Variants in PRKN observed in about 807,000 individuals in gnomAD.
The protein encoded by PRKN is parkin RBR E3 ubiquitin protein ligase.
PRKN carries 56 observed loss-of-function variants against 59.5 expected under a neutral mutation model. The observed-to-expected ratio is 0.94, with a 90% CI of 0.76 to 1.18. The LOEUF (loss-of-function observed/expected upper bound fraction) is 1.18. Ranked by LOEUF, PRKN falls within the 50% of genes most tolerant of loss-of-function variation. The probability of loss-of-function intolerance (pLI) is 0.00; values close to 1 mark genes in which losing one functional copy is unlikely to be tolerated. For synonymous variants in PRKN, 250 were observed against 222.1 expected (o/e 1.13, Z -1.12); for missense variants, 657 against 596.4 (o/e 1.10, Z -1.06).
chr6:161,914,379 T>C (rs1778476416), intron 6 of PRKN, among the ~76,000 whole-genome samples: 1 of 152,204 alleles, frequency 6.6e-6, no homozygotes, highest in Admixed American at 6.5e-5. Context: ...TAGGCATGCA[T>C]ACTTCTATAT....
At chr6:161,759,325 G>T (rs928031651) in intron 7 of PRKN, among the ~76,000 whole-genome samples, 1 of 152,128 alleles carries the variant, frequency 6.6e-6, no homozygotes, top group African/African-American at 2.4e-5. Flanking sequence ...GGATCTAGGG[G>T]CTTCCTAGGT....
chr6:162,507,519 T>C (rs1260216260), intron 1 of PRKN, among the ~76,000 whole-genome samples: 1 of 152,186 alleles, frequency 6.6e-6, no homozygotes, highest in Non-Finnish European at 1.5e-5. Context: ...TCAAATTCTA[T>C]TCAATGATTT....
intron 1 of PRKN, among the ~76,000 whole-genome samples, chr6:162,455,570 A>G (rs923073540): frequency 6.6e-6 from 1 of 152,150 alleles, no homozygotes; most frequent in Admixed American, 6.6e-5. Flanking sequence ...CCACCATCAT[A>G]TATGTGGTCC....
chr6:162,644,999 C>G (rs988254826), intron 1 of PRKN, among the ~76,000 whole-genome samples: 1 of 152,126 alleles, frequency 6.6e-6, no homozygotes, highest in Non-Finnish European at 1.5e-5. Context: ...TGAGCAATTG[C>G]TATTAATATT....
In PRKN at chr6:162,515,084, C is replaced by CTT. The variant is rs11394289; in HGVS notation, c.8-71613_8-71612dup. Among the ~76,000 whole-genome samples the CTT allele has an allele frequency of 1.5e-3, 211 of 140,340 alleles. 1 individual carries two copies. Among genetic ancestry groups the CTT allele is most frequent in the South Asian group, 3.8e-3 (17 of 4,436 alleles). 92.1% of individuals were successfully genotyped at this position (140,340 alleles called of 152,430 possible). A position where few individuals can be genotyped will look rare whatever the true frequency, so the allele number is the denominator to read the frequency against. On this transcript the variant is annotated intron_variant, in intron 1 of 11. Transcript: ENST00000366898. Reference sequence around the variant, plus strand: ...AGGAGGCCTTTGACAACTATTTTTACTTTTTTTTTTTTTTTGAGATGGAGT... The same window carrying CTT: ...AGGAGGCCTTTGACAACTATTTTTACTTTTTTTTTTTTTTTTTGAGATGGAGT...
intron 3 of PRKN, among the ~76,000 whole-genome samples, chr6:162,209,576 C>T (rs1785101841): frequency 6.6e-6 from 1 of 152,102 alleles, no homozygotes; most frequent in South Asian, 2.1e-4. Context: ...ACTAGAAATA[C>T]CATTTGACCC....
intron 5 of PRKN, among the ~76,000 whole-genome samples, chr6:162,002,587 T>A (rs1178388333): frequency 6.6e-6 from 1 of 152,048 alleles, no homozygotes; most frequent in Non-Finnish European, 1.5e-5. Context: ...AACCATTTTT[T>A]TTTTTGCTTC....
intron 7 of PRKN, among the ~76,000 whole-genome samples, chr6:161,621,441 G>T (rs1782894742): frequency 1.3e-5 from 2 of 152,082 alleles, no homozygotes; most frequent in Non-Finnish European, 2.9e-5. Flanking sequence ...TGGGGGTCCT[G>T]GGGTCCTGAT....
At position 161,473,919 on chromosome 6, in the gene PRKN, A is replaced by C. The variant is rs796417859; in HGVS notation, c.1083+74935T>G. The stretch of plus-strand genomic sequence containing the variant: ...ATACAAGATCGCTAGGATGGAGGGC[A>C]TGACTTGTGTATGTAGACTAGCGGG... On this transcript the variant is annotated intron_variant, in intron 9 of 11. Coordinates refer to ENST00000366898, the MANE Select transcript of PRKN (RefSeq NM_004562.3). This position sits in a 1 kb window ranked among gnomAD's most constrained non-coding sequence, Gnocchi z 4.1. 6.6e-6 allele frequency among the ~76,000 whole-genome samples: 1 copy of C among 152,184 alleles called. No individual in the cohort carries two copies. The highest frequency in any genetic ancestry group is 6.5e-5 in the Admixed American group (1 of 15,274).
intron 2 of PRKN, among the ~76,000 whole-genome samples, chr6:162,383,084 G>A (rs1188413473): frequency 2.0e-5 from 3 of 152,126 alleles, no homozygotes; most frequent in Non-Finnish European, 4.4e-5. Flanking sequence ...AAGTCTTGAA[G>A]ACCTCAAAGT....
chr6:161,777,942 C>T (rs1465167545), intron 7 of PRKN, among the ~76,000 whole-genome samples: 1 of 146,878 alleles, frequency 6.8e-6, no homozygotes, highest in Non-Finnish European at 1.5e-5. Context: ...AGTTAACAGT[C>T]CCAGGGGTTT....
intron 1 of PRKN, among the ~76,000 whole-genome samples, chr6:162,555,999 A>AAAAAAAAAAAAGG (rs1779552371): frequency 6.7e-6 from 1 of 150,186 alleles, no homozygotes; most frequent in African/African-American, 2.4e-5. Flanking sequence ...AAAAAAAAAA[A>AAAAAAAAAAAAGG]GTGAGAAAAC....
In PRKN at chr6:161,451,567, C is replaced by A. The variant is rs73785924; in HGVS notation, c.1084-64690G>T. Among the ~76,000 whole-genome samples the A allele has an allele frequency of 0.045, 6,783 of 152,248 alleles. 244 individuals are homozygous for A. The highest frequency in any genetic ancestry group is 0.063 in the Non-Finnish European group (4,264 of 68,018). ...GCTCCCAGAGGGACCTACCCAGTCC[C>A]AAAGCTGAGGCACCACCCATCCTTG... On this transcript the variant is annotated intron_variant, in intron 9 of 11. Transcript: ENST00000366898. This position sits in a 1 kb window ranked among gnomAD's most constrained non-coding sequence, Gnocchi z 5.9.
At chr6:161,540,206 T>C (rs373835208) in intron 9 of PRKN, among the ~76,000 whole-genome samples, 13 of 152,208 alleles carry the variant, frequency 8.5e-5, no homozygotes, top group East Asian at 3.8e-4. Context: ...TTTTTGTTGT[T>C]ATTATCATAA....
rs1334835696 is a variant in PRKN at position 161,390,672 on chromosome 6, A to G, written c.1084-3795T>C. Among the ~76,000 whole-genome samples, 2 of 152,010 alleles carry G rather than the reference A, an allele frequency of 1.3e-5. No homozygotes were observed. Among genetic ancestry groups the G allele is most frequent in the African/African-American group, 4.8e-5 (2 of 41,352 alleles). Reference sequence around the variant, plus strand: ...CCCGGCTAATTTTTGTATTTTTAGTAAAGACGGGATTTCACCATGTTGGTC... The same window carrying G: ...CCCGGCTAATTTTTGTATTTTTAGTGAAGACGGGATTTCACCATGTTGGTC... On this transcript the variant is annotated intron_variant, in intron 9 of 11. Transcript: ENST00000366898. This position sits in a 1 kb window ranked among gnomAD's most constrained non-coding sequence, Gnocchi z 7.0.
intron 6 of PRKN, among the ~76,000 whole-genome samples, chr6:161,807,885 C>G (rs1390806440): frequency 6.6e-6 from 1 of 152,172 alleles, no homozygotes; most frequent in African/African-American, 2.4e-5. Flanking sequence ...AGATTAGGGC[C>G]CAACATCTTT....
chr6:161,840,757 C>T (rs559790668), intron 6 of PRKN, among the ~76,000 whole-genome samples: 1 of 152,242 alleles, frequency 6.6e-6, no homozygotes, highest in South Asian at 2.1e-4. Flanking sequence ...CCTCCAGCTC[C>T]ACCCATGTCC....
At chr6:161,805,778 CG>C (rs367955680) in intron 6 of PRKN, among the ~76,000 whole-genome samples, 8 of 152,258 alleles carry the variant, frequency 5.3e-5, no homozygotes, top group African/African-American at 1.9e-4. Flanking sequence ...GATGGAGAGC[CG>C]GGGTGGTTGG....
chr6:162,145,109 T>G (rs1781967306), intron 4 of PRKN, among the ~76,000 whole-genome samples: 1 of 152,136 alleles, frequency 6.6e-6, no homozygotes, highest in Non-Finnish European at 1.5e-5. Flanking sequence ...TCAACGCAAT[T>G]TATTACGGAA....
Sources: gnomAD v4.1 joint callset for allele counts (sites outside exome capture counted in the v4.1 genomes callset) on GRCh38, gnomAD v4.1.1 for gene constraint, Gnocchi (gnomAD v3.1) non-coding constraint, MANE v1.5 for transcripts, NCBI Gene and HGNC (gene_info 2026-07-23, HGNC 2026-07-21) for gene names.